GRIK1: variants seen among roughly 807,000 people sequenced by gnomAD.
The protein encoded by GRIK1 is glutamate receptor ionotropic, kainate 1.
GRIK1 carries 69 observed loss-of-function variants against 105.7 expected under a neutral mutation model. The observed-to-expected ratio is 0.65, with a 90% CI of 0.54 to 0.80. The LOEUF (loss-of-function observed/expected upper bound fraction) is 0.80. GRIK1 is among the 30% of genes least tolerant of loss of function. The pLI is 0.00. For missense variants in GRIK1, 1,109 were observed against 1,167.3 expected, an observed-to-expected ratio of 0.95 and a Z score of 0.73; for synonymous variants, 438 against 431.3, an observed-to-expected ratio of 1.02 and a Z score of -0.19.
chr21:29,765,189 C>T (rs1002743842), intron 1 of GRIK1, among the ~76,000 whole-genome samples: 3 of 152,104 alleles, frequency 2.0e-5, no homozygotes, highest in Non-Finnish European at 4.4e-5. Context: ...AAGTCAAAGA[C>T]CTTTATTTCT....
chr21:29,730,262 A>G (rs2064579452), intron 1 of GRIK1, among the ~76,000 whole-genome samples: 1 of 152,194 alleles, frequency 6.6e-6, no homozygotes, highest in South Asian at 2.1e-4. Context: ...ATTTTTTTAA[A>G]TAATACCACC....
intron 7 of GRIK1, among the ~76,000 whole-genome samples, chr21:29,625,516 A>T (rs1000725970): frequency 3.3e-5 from 5 of 151,842 alleles, no homozygotes; most frequent in African/African-American, 1.2e-4. Flanking sequence ...GCTGCCTGCC[A>T]CTCTCCAATT....
At chr21:29,634,427 G>A (rs1194034901) in intron 7 of GRIK1, among the ~76,000 whole-genome samples, 2 of 152,108 alleles carry the variant, frequency 1.3e-5, no homozygotes, top group African/African-American at 4.8e-5. Context: ...AATTTATTTT[G>A]GAGCAGATCA....
intron 1 of GRIK1, among the ~76,000 whole-genome samples, chr21:29,801,330 T>G (rs916374174): frequency 6.6e-6 from 1 of 151,950 alleles, no homozygotes; most frequent in Non-Finnish European, 1.5e-5. Flanking sequence ...AGTACTTACC[T>G]CTTTTTAAAT....
At chr21:29,938,408 T>C (rs2071848630) in intron 1 of GRIK1, among the ~76,000 whole-genome samples, 1 of 152,314 alleles carries the variant, frequency 6.6e-6, no homozygotes, top group Middle Eastern at 3.4e-3. Flanking sequence ...GGAGGGCAAA[T>C]GAGATTCAGC....
chr21:29,603,120 G>T (rs1003186918), intron 7 of GRIK1, among the ~76,000 whole-genome samples: 1 of 152,028 alleles, frequency 6.6e-6, no homozygotes, highest in Admixed American at 6.6e-5. Flanking sequence ...AGTATGTTAA[G>T]AAATCAGCTT....
intron 1 of GRIK1, among the ~76,000 whole-genome samples, chr21:29,876,569 G>T (rs746051555): frequency 6.6e-6 from 1 of 151,988 alleles, no homozygotes. Flanking sequence ...TATACATGTT[G>T]CTGCTATTCA....
At chr21:29,866,711 A>G (rs2068815678) in intron 1 of GRIK1, among the ~76,000 whole-genome samples, 1 of 152,236 alleles carries the variant, frequency 6.6e-6, no homozygotes, top group Non-Finnish European at 1.5e-5. Context: ...CATGTCATTA[A>G]AAAGCATGTT....
intron 1 of GRIK1, among the ~76,000 whole-genome samples, chr21:29,929,637 T>C (rs902664630): frequency 1.3e-5 from 2 of 152,192 alleles, no homozygotes; most frequent in African/African-American, 4.8e-5. Flanking sequence ...AGAATGGCTA[T>C]TATCAAAAAA....
At chr21:29,587,715 G>T in intron 11 of GRIK1, 126 bp from the exon 12 acceptor site, 1 of 588,062 alleles carries the variant, frequency 1.7e-6, no homozygotes, top group Non-Finnish European at 2.9e-6. Flanking sequence ...CTCCTGTGAT[G>T]GTTGGTTCTA....
At chr21:29,859,098 A>G (rs1408314196) in intron 1 of GRIK1, among the ~76,000 whole-genome samples, 1 of 151,648 alleles carries the variant, frequency 6.6e-6, no homozygotes, top group East Asian at 2.0e-4. Flanking sequence ...CATTCTCAGC[A>G]AACTATCGCA....
chr21:29,537,613 A>G, intron 17 of GRIK1, 185 bp downstream of exon 17: 1 of 684,740 alleles, frequency 1.5e-6, no homozygotes, highest in Non-Finnish European at 2.6e-6. Context: ...TTTCATTCAC[A>G]AATGCAGTAG....
At chr21:29,742,151 T>A (rs2064946007) in intron 1 of GRIK1, among the ~76,000 whole-genome samples, 1 of 152,192 alleles carries the variant, frequency 6.6e-6, no homozygotes, top group Admixed American at 6.5e-5. Flanking sequence ...ATGCAAGATT[T>A]CCTTAAACAA....
chr21:29,807,608 G>A (rs2066900806), intron 1 of GRIK1, among the ~76,000 whole-genome samples: 1 of 151,900 alleles, frequency 6.6e-6, no homozygotes, highest in South Asian at 2.1e-4. Context: ...ATTCTTTAAA[G>A]AATAATTTTT....
At chr21:29,723,257 A>G (rs2832433) in intron 1 of GRIK1, among the ~76,000 whole-genome samples, 130,102 of 152,276 alleles carry the variant, frequency 0.85, 57,204 homozygotes, top group Non-Finnish European at 0.96. Context: ...ATTTGAGAAT[A>G]CTGTTTTCCA....
At chr21:29,832,409 T>A (rs184344566) in intron 1 of GRIK1, among the ~76,000 whole-genome samples, 219 of 152,256 alleles carry the variant, frequency 1.4e-3, no homozygotes, top group Admixed American at 3.6e-3. Flanking sequence ...CTAGTAGAAG[T>A]TCTCCATGAG....
At chr21:29,731,183 G>C (rs2064616901) in intron 1 of GRIK1, among the ~76,000 whole-genome samples, 1 of 152,216 alleles carries the variant, frequency 6.6e-6, no homozygotes, top group Non-Finnish European at 1.5e-5. Context: ...CACTGTCATA[G>C]TGGAGGAGGA....
At chr21:29,722,658 G>A (rs550848586) in intron 1 of GRIK1, among the ~76,000 whole-genome samples, 1 of 150,958 alleles carries the variant, frequency 6.6e-6, no homozygotes, top group South Asian at 2.1e-4. Flanking sequence ...GGTGGTAGTT[G>A]AAAGATTTGA....
chr21:29,622,229 G>A (rs1025886500), intron 7 of GRIK1, among the ~76,000 whole-genome samples: 4 of 152,162 alleles, frequency 2.6e-5, no homozygotes, highest in African/African-American at 9.7e-5. Flanking sequence ...TTACAGGCTT[G>A]AGCCACCACG....
Sources: allele counts gnomAD v4.1 joint callset (sites outside exome capture counted in the v4.1 genomes callset), GRCh38; gene constraint gnomAD v4.1.1; transcripts MANE v1.5; gene names NCBI Gene and HGNC (gene_info 2026-07-23, HGNC 2026-07-21).